Variants in MITD1 observed in about 807,000 individuals in gnomAD.
The protein encoded by MITD1 is MIT domain-containing protein 1.
MITD1 carries 24 observed loss-of-function variants against 34.9 expected under a neutral mutation model. The observed-to-expected ratio is 0.69, with a 90% CI of 0.50 to 0.97. The LOEUF is 0.97. Ranked by LOEUF, MITD1 falls within the 50% of genes least tolerant of loss-of-function variation. The pLI, the probability that MITD1 is intolerant of heterozygous loss-of-function variation, is 0.00. For missense variants in MITD1, 266 were observed against 294.6 expected, an observed-to-expected ratio of 0.90 and a Z score of 0.71; for synonymous variants, 102 against 101.4, an observed-to-expected ratio of 1.01 and a Z score of -0.04.
At position 99,174,629 on chromosome 2, in the gene MITD1, C is replaced by T. The variant is rs543798034; in HGVS notation, c.152-613G>A. On this transcript the variant is annotated intron_variant, in intron 1 of 6. Transcript: ENST00000289359. ...GTTTTGAGACGGAATCTCGCTCTGT[C>T]GCCCAGGCTGGAGTGCAGTGGCATG... 1.1e-4 allele frequency among the ~76,000 whole-genome samples: 16 copies of T among 152,262 alleles called. No homozygotes were observed. The South Asian group carries it at 3.3e-3, about 32-fold the overall frequency.
intron 7 of MITD1, chr2:99,162,894 G>A: frequency 6.2e-7 from 1 of 1,613,010 alleles, no homozygotes; most frequent in South Asian, 1.1e-5. Flanking sequence ...TTGTAATATT[G>A]AAGCACCTGA....
intron 1 of MITD1, among the ~76,000 whole-genome samples, chr2:99,175,368 GAAT>G (rs917844122): frequency 2.6e-5 from 4 of 152,250 alleles, no homozygotes; most frequent in Admixed American, 2.6e-4. Context: ...TGACATTTAG[GAAT>G]AATATTGGTC....
intron 5 of MITD1, 91 bp from the exon 6 acceptor site, chr2:99,169,701 C>T (rs1339198252): frequency 9.4e-7 from 1 of 1,062,440 alleles, no homozygotes; most frequent in Non-Finnish European, 1.4e-6. Flanking sequence ...CAAAATTTCC[C>T]CCTAACAAAG....
chr2:99,162,915 C>G (rs2093808496), intron 7 of MITD1: 1 of 1,613,404 alleles, frequency 6.2e-7, no homozygotes, highest in Non-Finnish European at 8.5e-7. Context: ...TCATTGGTTG[C>G]CATTGGAAAT....
chr2:99,174,002 T>G lies in MITD1; in HGVS notation c.166A>C (p.Thr56Pro). The change falls in exon 2 of 7, where the codon ACT becomes CCT. Residue 56 changes from threonine (T) to proline (P), a missense_variant. Coordinates refer to ENST00000289359, the MANE Select transcript of MITD1 (RefSeq NM_138798.3). ...LQVLKGTKDN[T>P]KRCNLREKIS... ...TTTTCTCTGAGATTACATCTCTTAG[T>G]ATTATCTTTGGTACCTACAAATTTA... The G allele has an allele frequency of 6.5e-7, 1 of 1,541,538 alleles. No individual in the cohort carries two copies. The highest frequency in any genetic ancestry group is 8.9e-7 in the Non-Finnish European group (1 of 1,120,200).
intron 2 of MITD1, chr2:99,172,726 T>C (rs976773999): frequency 4.6e-5 from 7 of 151,760 alleles, no homozygotes; most frequent in Non-Finnish European, 1.0e-4. Context: ...CTACTAAAAA[T>C]ACAAAAATGA....
chr2:99,175,948 T>C (rs954949193), intron 1 of MITD1, among the ~76,000 whole-genome samples: 1 of 152,192 alleles, frequency 6.6e-6, no homozygotes, highest in Non-Finnish European at 1.5e-5. Context: ...TTTGTTTCAT[T>C]TTGTTTCGCT....
intron 1 of MITD1, among the ~76,000 whole-genome samples, chr2:99,175,071 A>AT (rs1240468107): frequency 2.6e-5 from 4 of 152,196 alleles, no homozygotes. Flanking sequence ...TTTTGAGTTA[A>AT]TTTTTTATAT....
rs763614449 is a variant in MITD1, at chr2:99,181,027, G to A, written c.-46C>T. On this transcript the variant is annotated 5_prime_UTR_variant, in exon 1 of 7. Transcript: ENST00000289359. ...GCCTCAACCCAGGATGAAGTTGAGC[G>A]GGTCTGCTGCGCTTCCGGGAAGTGG... 25 of 1,579,594 alleles carry A rather than the reference G, an allele frequency of 1.6e-5. No individual in the cohort carries two copies. The African/African-American group carries it at 3.4e-4, about 21-fold the overall frequency.
chr2:99,178,897 T>C (rs2171359), intron 1 of MITD1, among the ~76,000 whole-genome samples: 90,924 of 152,030 alleles, frequency 0.6, 27,978 homozygotes, highest in East Asian at 0.88. Context: ...CCTCTTCAGA[T>C]ACATGCTCAA....
intron 2 of MITD1, 42 bp from the exon 3 acceptor site, chr2:99,171,688 T>A (rs2093859096): frequency 6.4e-7 from 1 of 1,572,234 alleles, no homozygotes. Flanking sequence ...GTGACCATTT[T>A]TTTTTTACAC....
chr2:99,167,802 G>GT (rs1335868750), downstream of MITD1, among the ~76,000 whole-genome samples: 1 of 152,128 alleles, frequency 6.6e-6, no homozygotes, highest in East Asian at 1.9e-4. Context: ...TAGTAAATTA[G>GT]TTTGAGTCTA....
downstream of MITD1, among the ~76,000 whole-genome samples, chr2:99,166,858 A>AATATATATAT (rs10584187): frequency 0.014 from 1,558 of 115,020 alleles, 28 homozygotes; most frequent in Non-Finnish European, 0.019. Flanking sequence ...TGGGGTTTTA[A>AATATATATAT]ATATATATAT....
chr2:99,174,531 T>G (rs1344198308), intron 1 of MITD1, among the ~76,000 whole-genome samples: 2 of 152,186 alleles, frequency 1.3e-5, no homozygotes, highest in East Asian at 3.8e-4. Context: ...AACAAATCAC[T>G]TCTTGTTCCT....
In MITD1 at chr2:99,171,494, T is replaced by G; in HGVS notation, c.390+16A>C. ...TTGAATATGATATTTCATTATATTT[T>G]AGTATGTTCACATACCTGATGAGTA... is the stretch of plus-strand genomic sequence containing the variant. On this transcript the variant is annotated intron_variant, in intron 3 of 6. Coordinates refer to ENST00000289359, the MANE Select transcript of MITD1 (RefSeq NM_138798.3). 1 of 1,595,680 alleles carries G rather than the reference T, an allele frequency of 6.3e-7. No individual in the cohort carries two copies. Among genetic ancestry groups the G allele is most frequent in the Non-Finnish European group, 8.6e-7 (1 of 1,163,640 alleles).
At chr2:99,178,187 C>G (rs780909686) in intron 1 of MITD1, 2 of 152,170 alleles carry the variant, frequency 1.3e-5, no homozygotes, top group Admixed American at 6.6e-5. Flanking sequence ...ATTTCATTTC[C>G]TTTGGATATA....
downstream of MITD1, among the ~76,000 whole-genome samples, chr2:99,166,501 A>AAC (rs1478225858): frequency 6.6e-6 from 1 of 151,420 alleles, no homozygotes; most frequent in Non-Finnish European, 1.5e-5. Flanking sequence ...AAAAAAAAAA[A>AAC]AACATACAGA....
chr2:99,162,933 A>G (rs2093808760), intron 7 of MITD1: 12 of 1,613,804 alleles, frequency 7.4e-6, no homozygotes, highest in Non-Finnish European at 1.0e-5. Context: ...AATACGTGAC[A>G]AATTAAATTC....
At chr2:99,175,624 A>G (rs1051875975) in intron 1 of MITD1, among the ~76,000 whole-genome samples, 1 of 152,198 alleles carries the variant, frequency 6.6e-6, no homozygotes, top group Non-Finnish European at 1.5e-5. Flanking sequence ...TTATGGAAAG[A>G]TATCCTGCTT....
Sources: gnomAD v4.1 joint callset for allele counts (sites outside exome capture counted in the v4.1 genomes callset) on GRCh38, gnomAD v4.1.1 for gene constraint, MANE v1.5 for transcripts, NCBI Gene and HGNC (gene_info 2026-07-23, HGNC 2026-07-21) for gene names.